Variants in SYN3 observed in about 807,000 individuals in gnomAD.
SYN3 encodes the protein synapsin-3.
Under a neutral mutation model 65.8 loss-of-function variants are expected in SYN3, and 35 were observed. The observed-to-expected ratio is 0.53, with a 90% CI of 0.41 to 0.70. The LOEUF (loss-of-function observed/expected upper bound fraction) is 0.70, where lower values mean the gene tolerates loss of function less well. SYN3 is among the 30% of genes least tolerant of loss of function. The pLI is 0.00. For synonymous variants in SYN3, 270 were observed against 292.9 expected (o/e 0.92, Z 0.80); for missense variants, 680 against 749.0 (o/e 0.91, Z 1.08).
chr22:32,956,737 A>G (rs923081031), intron 3 of SYN3, among the ~76,000 whole-genome samples: 2 of 152,194 alleles, frequency 1.3e-5, no homozygotes, highest in African/African-American at 4.8e-5. Flanking sequence ...GCTGCTGTGA[A>G]CATGGGTGTA....
intron 10 of SYN3, among the ~76,000 whole-genome samples, chr22:32,531,148 CAAAAAAAAAAA>C (rs59432094): frequency 5.4e-4 from 14 of 26,152 alleles, no homozygotes; most frequent in African/African-American, 1.7e-3. Flanking sequence ...GACCCCGTCT[CAAAAAAAAAAA>C]AAAAAAAAAA....
intron 3 of SYN3, among the ~76,000 whole-genome samples, chr22:32,963,020 G>T (rs1008599983): frequency 4.0e-5 from 6 of 150,078 alleles, no homozygotes; most frequent in African/African-American, 9.8e-5. Flanking sequence ...CATTTATATA[G>T]AGAGAGGGAT....
intron 3 of SYN3, among the ~76,000 whole-genome samples, chr22:32,979,395 C>T (rs1601830475): frequency 1.3e-5 from 2 of 152,204 alleles, no homozygotes; most frequent in Admixed American, 6.5e-5. Flanking sequence ...AACCAGTAGA[C>T]ATTGGGTTGA....
intron 6 of SYN3, among the ~76,000 whole-genome samples, chr22:32,679,104 G>A (rs1411841287): frequency 2.3e-5 from 3 of 130,896 alleles, no homozygotes; most frequent in African/African-American, 8.9e-5. Flanking sequence ...CCAGGCTGGA[G>A]TGCAGTGGTG....
rs2058257596 is a variant in SYN3, at chr22:32,541,661, A to G, written c.827T>C (p.Met276Thr). The part of the protein sequence containing the change: ...DFQDITSVVA[M>T]AKTYATTEAF... ...CTCGGTGGTGGCGTAGGTTTTGGCC[A>G]TGGCGACCACGCTGGTGATGTCCTG... The change falls in exon 8 of 14, where the codon ATG (methionine) becomes ACG (threonine). Residue 276 changes from methionine to threonine, a missense_variant. Coordinates refer to ENST00000358763, the MANE Select transcript of SYN3 (RefSeq NM_003490.4). The G allele has an allele frequency of 1.2e-6, 2 of 1,613,984 alleles. No individual in the cohort carries two copies. Among genetic ancestry groups the G allele is most frequent in the East Asian group, 2.2e-5 (1 of 44,866 alleles).
At chr22:32,765,915 A>G (rs899451697) in intron 6 of SYN3, among the ~76,000 whole-genome samples, 1 of 152,228 alleles carries the variant, frequency 6.6e-6, no homozygotes, top group Non-Finnish European at 1.5e-5. Flanking sequence ...GTAATCCCTT[A>G]TAAGCTGGGT....
chr22:32,760,056 C>CAGCA lies in SYN3; in HGVS notation c.711+104855_711+104858dup, dbSNP rs1555950972. On this transcript the variant is annotated intron_variant, in intron 6 of 13. Coordinates refer to ENST00000358763, the MANE Select transcript of SYN3 (RefSeq NM_003490.4). ...CCACCCCCAGCCAGCACCCACCCACCAGCAGCCAGTACCCACCCACCACCA... is the reference window on the plus strand; with the variant it reads ...CCACCCCCAGCCAGCACCCACCCACCAGCAAGCAGCCAGTACCCACCCACCACCA... Among the ~76,000 whole-genome samples, 66 of 69,106 alleles carry CAGCA rather than the reference C, an allele frequency of 9.6e-4. 6 individuals are homozygous for CAGCA. The highest frequency in any genetic ancestry group is 2.4e-3 in the East Asian group (3 of 1,238). The allele number at this position is 69,106 out of a possible 152,430, so 45.3% of individuals were successfully genotyped here.
intron 6 of SYN3, among the ~76,000 whole-genome samples, chr22:32,664,301 T>C (rs375295237): frequency 9.2e-5 from 14 of 152,334 alleles, no homozygotes; most frequent in African/African-American, 3.4e-4. Context: ...ACTTGGCTGA[T>C]GATGTGCAAT....
At chr22:32,807,293 G>GATATAT (rs5845033) in intron 6 of SYN3, among the ~76,000 whole-genome samples, 1 of 124,794 alleles carries the variant, frequency 8.0e-6, no homozygotes, top group Non-Finnish European at 1.6e-5. Flanking sequence ...TGGTTTGGAG[G>GATATAT]ATATATATAT....
intron 6 of SYN3, among the ~76,000 whole-genome samples, chr22:32,660,935 T>A (rs1317114162): frequency 7.9e-5 from 12 of 152,226 alleles, no homozygotes; most frequent in Admixed American, 2.0e-4. Context: ...GATGGGAGAC[T>A]GAGAGTGCCG....
intron 2 of SYN3, among the ~76,000 whole-genome samples, chr22:32,981,588 C>CAAT (rs534663521): frequency 0.017 from 2,564 of 149,914 alleles, 37 homozygotes; most frequent in South Asian, 0.038. Context: ...CAGTCTCAAA[C>CAAT]AATAATAATA....
At chr22:32,677,840 A>G (rs1282391678) in intron 6 of SYN3, among the ~76,000 whole-genome samples, 1 of 152,096 alleles carries the variant, frequency 6.6e-6, no homozygotes, top group East Asian at 1.9e-4. Flanking sequence ...AAAAAGACAC[A>G]AGATTGAGTG....
chr22:32,858,095 G>A, intron 6 of SYN3: 1 of 1,614,184 alleles, frequency 6.2e-7, no homozygotes, highest in South Asian at 1.1e-5. Flanking sequence ...CTCTCCCAGC[G>A]CAAGGGGCTG....
At chr22:33,016,538 C>A (rs2053470453) in intron 1 of SYN3, among the ~76,000 whole-genome samples, 1 of 152,160 alleles carries the variant, frequency 6.6e-6, no homozygotes, top group South Asian at 2.1e-4. Flanking sequence ...CAAGTTTTCC[C>A]TTTTCTTTAC....
chr22:32,945,247 G>A (rs1036495067), intron 3 of SYN3, among the ~76,000 whole-genome samples: 32 of 152,180 alleles, frequency 2.1e-4, no homozygotes, highest in African/African-American at 6.5e-4. Flanking sequence ...AATCCTAAGC[G>A]AAAGAACAAA....
intron 1 of SYN3, among the ~76,000 whole-genome samples, chr22:33,017,808 T>C (rs547136989): frequency 1.3e-5 from 2 of 151,656 alleles, no homozygotes; most frequent in Non-Finnish European, 2.9e-5. Context: ...TTTAAGATCA[T>C]GTCATCAGCA....
chr22:32,531,185 G>C (rs1305729553), intron 10 of SYN3, among the ~76,000 whole-genome samples: 1 of 134,428 alleles, frequency 7.4e-6, no homozygotes, highest in East Asian at 2.4e-4. Context: ...AAAAGAATGT[G>C]AGTACTGCTT....
At chr22:32,802,339 G>A (rs1267131178) in intron 6 of SYN3, among the ~76,000 whole-genome samples, 1 of 152,136 alleles carries the variant, frequency 6.6e-6, no homozygotes, top group Admixed American at 6.5e-5. Context: ...GGCTGAGGGA[G>A]CCCCTGGCCG....
At chr22:33,050,458 G>A (rs889212861) in intron 1 of SYN3, among the ~76,000 whole-genome samples, 3 of 148,138 alleles carry the variant, frequency 2.0e-5, no homozygotes, top group African/African-American at 7.5e-5. Context: ...CTCCAGCCTG[G>A]GTGACAGAGC....
Sources: allele counts gnomAD v4.1 joint callset (sites outside exome capture counted in the v4.1 genomes callset), GRCh38; gene constraint gnomAD v4.1.1; transcripts MANE v1.5; gene names NCBI Gene and HGNC (gene_info 2026-07-23, HGNC 2026-07-21).